RBM26: variants seen among roughly 807,000 people sequenced by gnomAD.
RBM26 encodes RNA binding motif protein 26, also known as RNA-binding protein 26.
In RBM26, 30 loss-of-function variants were observed where a neutral mutation model predicts 123.6. The observed-to-expected ratio is 0.24, with a 90% CI of 0.18 to 0.33. The LOEUF (loss-of-function observed/expected upper bound fraction) is 0.33. Ranked by LOEUF, RBM26 falls within the 10% of genes least tolerant of loss-of-function variation. RBM26 has a pLI of 1.00. For missense variants in RBM26, 947 were observed against 1,203.6 expected (o/e 0.79, Z 3.15); for synonymous variants, 400 against 404.4 (o/e 0.99, Z 0.13).
chr13:79,368,182 G>A (rs1053299700), intron 6 of RBM26, among the ~76,000 whole-genome samples: 4 of 151,930 alleles, frequency 2.6e-5, no homozygotes, highest in African/African-American at 7.3e-5. Context: ...CAGCCACCAC[G>A]CCCAGCTAAT....
chr13:79,370,561 A>C (rs2075777166), intron 5 of RBM26, among the ~76,000 whole-genome samples: 1 of 152,314 alleles, frequency 6.6e-6, no homozygotes, highest in South Asian at 2.1e-4. Flanking sequence ...GTGAACAAAC[A>C]CCTGTGTGGA....
At chr13:79,363,299 T>C (rs909956005) in intron 9 of RBM26, among the ~76,000 whole-genome samples, 9 of 152,164 alleles carry the variant, frequency 5.9e-5, no homozygotes, top group African/African-American at 9.6e-5. Flanking sequence ...GTAATAATTA[T>C]ATAATTAACA....
chr13:79,364,520 G>A (rs2075050744), intron 9 of RBM26, among the ~76,000 whole-genome samples: 1 of 152,182 alleles, frequency 6.6e-6, no homozygotes, highest in Non-Finnish European at 1.5e-5. Context: ...TAGGGAAAAA[G>A]ATATATTTTT....
chr13:79,370,809 A>G (rs2075805613), intron 5 of RBM26, 136 bp downstream of exon 5: 3 of 948,762 alleles, frequency 3.2e-6, no homozygotes, highest in Non-Finnish European at 4.6e-6. Flanking sequence ...GGAATTTTTA[A>G]AAAGCATTCT....
intron 3 of RBM26, among the ~76,000 whole-genome samples, chr13:79,372,777 T>C (rs1356534860): frequency 3.3e-5 from 2 of 61,324 alleles, no homozygotes; most frequent in South Asian, 7.9e-4. Context: ...ATATTATATA[T>C]AATTATATGA....
At chr13:79,369,614 T>A (rs2075675530) in intron 5 of RBM26, among the ~76,000 whole-genome samples, 1 of 152,104 alleles carries the variant, frequency 6.6e-6, no homozygotes, top group African/African-American at 2.4e-5. Context: ...TAAATAGTAT[T>A]AAGAGTAGCA....
chr13:79,397,506 G>A (rs1026610021), intron 1 of RBM26, among the ~76,000 whole-genome samples: 5 of 149,596 alleles, frequency 3.3e-5, no homozygotes, highest in Non-Finnish European at 7.4e-5. Context: ...AAACCCTGTC[G>A]TCTCTACTAA....
Position 79,370,125 on chromosome 13 carries a change from C to T in RBM26, c.634+820G>A, listed in dbSNP as rs573044650. Among the ~76,000 whole-genome samples, 37 of 151,952 alleles carry T rather than the reference C, an allele frequency of 2.4e-4. 1 individual carries two copies. Among genetic ancestry groups the T allele is most frequent in the Non-Finnish European group, 3.8e-4 (26 of 67,978 alleles). On this transcript the variant is annotated intron_variant, in intron 5 of 21. Coordinates refer to ENST00000438737, the MANE Select transcript of RBM26 (RefSeq NM_001366735.2). ...AGGAATTCGAGACCAGTCTGGCCAA[C>T]CTGGTGAAACCCCCAACGTGACTCT...
chr13:79,396,220 C>T (rs570414864), intron 1 of RBM26, among the ~76,000 whole-genome samples: 4 of 85,702 alleles, frequency 4.7e-5, no homozygotes, highest in South Asian at 5.5e-4. Context: ...GTAAAACCAA[C>T]GACCTAGGTT....
intron 14 of RBM26, among the ~76,000 whole-genome samples, chr13:79,345,970 C>A (rs928160038): frequency 6.6e-6 from 1 of 152,208 alleles, no homozygotes; most frequent in East Asian, 1.9e-4. Flanking sequence ...GGGTGATCTA[C>A]GAATGCTATA....
intron 20 of RBM26, among the ~76,000 whole-genome samples, chr13:79,330,492 G>C (rs1385592635): frequency 2.0e-5 from 3 of 152,262 alleles, no homozygotes; most frequent in Admixed American, 6.5e-5. Flanking sequence ...TCTGACAAGA[G>C]AATCTTTTGT....
At chr13:79,383,305 CATT>C (rs1042914080) in intron 1 of RBM26, among the ~76,000 whole-genome samples, 13 of 152,160 alleles carry the variant, frequency 8.5e-5, no homozygotes, top group African/African-American at 1.9e-4. Flanking sequence ...TAAAATAACA[CATT>C]AGTCTGTTCA....
chr13:79,323,387 T>A (rs975572596), intron 20 of RBM26, among the ~76,000 whole-genome samples: 1 of 151,594 alleles, frequency 6.6e-6, no homozygotes, highest in Admixed American at 6.6e-5. Flanking sequence ...AACCTGCACA[T>A]ATAAATTTAT....
intron 1 of RBM26, among the ~76,000 whole-genome samples, chr13:79,384,557 T>C (rs1307370318): frequency 1.3e-5 from 2 of 152,150 alleles, no homozygotes; most frequent in Non-Finnish European, 2.9e-5. Flanking sequence ...AGTGCCCAGC[T>C]GGCATCTTTG....
chr13:79,342,633 TA>T, intron 17 of RBM26, 30 bp downstream of exon 17: 1 of 1,492,174 alleles, frequency 6.7e-7, no homozygotes, highest in Non-Finnish European at 9.1e-7. Context: ...TGTTAATAAG[TA>T]ATAATATGAA....
In RBM26 at chr13:79,359,615, C is replaced by T; in HGVS notation, c.1489G>A (p.Gly497Arg). Residue 497 changes from glycine (G) to arginine (R), a missense_variant, in exon 10 of 22, where the codon GGA becomes AGA. Gly to Arg is a moderately radical substitution (Grantham distance 125, BLOSUM62 -2). Around this residue, in one of 5 missense-constraint regions of RBM26, gnomAD observed 493 missense variants for 563.1 expected, o/e 0.88. Transcript: ENST00000438737. ...TTCTTTGTAGGAACTCCAGGCTCTC[C>T]AGAACCAATGGTTCTTTTCCTTGAT... The part of the protein sequence containing the change: ...SESRKRTIGS[G>R]EPGVPTKKTW... 7.5e-6 allele frequency: 12 copies of T among 1,600,266 alleles called. No individual in the cohort carries two copies. Among genetic ancestry groups the T allele is most frequent in the Non-Finnish European group, 1.0e-5 (12 of 1,173,668 alleles).
chr13:79,378,139 A>G (rs2076798719), intron 2 of RBM26, among the ~76,000 whole-genome samples: 1 of 152,176 alleles, frequency 6.6e-6, no homozygotes, highest in Non-Finnish European at 1.5e-5. Context: ...AAACACTATC[A>G]TAATCTAGAT....
intron 9 of RBM26, among the ~76,000 whole-genome samples, chr13:79,363,388 T>C (rs1024889882): frequency 6.6e-6 from 1 of 151,946 alleles, no homozygotes; most frequent in African/African-American, 2.4e-5. Flanking sequence ...TGAGAACACA[T>C]GGTGGGAGGA....
intron 5 of RBM26, among the ~76,000 whole-genome samples, chr13:79,370,584 T>C (rs1423961146): frequency 1.3e-5 from 2 of 152,254 alleles, no homozygotes; most frequent in Non-Finnish European, 2.9e-5. Context: ...TACACTTTCA[T>C]TTCTTCCAGG....
Sources: allele counts gnomAD v4.1 joint callset (sites outside exome capture counted in the v4.1 genomes callset), GRCh38; gene constraint gnomAD v4.1.1; regional missense constraint gnomAD v4.1.1; transcripts MANE v1.5; gene names NCBI Gene and HGNC (gene_info 2026-07-23, HGNC 2026-07-21).